Variants in VWC2L observed in about 807,000 individuals in gnomAD.
The protein encoded by VWC2L is von Willebrand factor C domain-containing protein 2-like.
In VWC2L, 10 loss-of-function variants were observed where a neutral mutation model predicts 21.6. That is an observed-to-expected ratio of 0.46 (90% CI 0.29 to 0.78). The LOEUF is 0.78. Among genes scored for constraint, VWC2L ranks in the 30% least tolerant of loss-of-function variants. VWC2L has a pLI of 0.10. For synonymous variants in VWC2L, 96 were observed against 94.3 expected, an observed-to-expected ratio of 1.02 and a Z score of -0.10; for missense variants, 209 against 277.1, an observed-to-expected ratio of 0.75 and a Z score of 1.74.
intron 3 of VWC2L, among the ~76,000 whole-genome samples, chr2:214,499,873 T>C (rs1688867291): frequency 6.6e-6 from 1 of 152,170 alleles, no homozygotes. Flanking sequence ...ACTGAGGAGA[T>C]AATAACGTAC....
At chr2:214,513,851 A>G (rs1689097319) in intron 3 of VWC2L, among the ~76,000 whole-genome samples, 1 of 152,070 alleles carries the variant, frequency 6.6e-6, no homozygotes, top group African/African-American at 2.4e-5. Flanking sequence ...CTAAAGACAA[A>G]TTCTCAGGTG....
At chr2:214,443,930 G>A (rs1559292536) in intron 3 of VWC2L, among the ~76,000 whole-genome samples, 1 of 152,036 alleles carries the variant, frequency 6.6e-6, no homozygotes. Flanking sequence ...ATTCTTGAAA[G>A]CCCCAAGAAA....
At chr2:214,438,316 T>C (rs1008745417) in intron 3 of VWC2L, among the ~76,000 whole-genome samples, 4 of 151,850 alleles carry the variant, frequency 2.6e-5, no homozygotes, top group African/African-American at 9.7e-5. Context: ...TCTCCAAGGA[T>C]AAAAGGAAGA....
intron 3 of VWC2L, among the ~76,000 whole-genome samples, chr2:214,446,010 AT>A (rs2126182576): frequency 6.6e-6 from 1 of 152,354 alleles, no homozygotes; most frequent in South Asian, 2.1e-4. Flanking sequence ...TTGCTAAAAT[AT>A]TCACTTAAGT....
intron 3 of VWC2L, among the ~76,000 whole-genome samples, chr2:214,446,232 A>G (rs1459998031): frequency 6.6e-6 from 1 of 152,228 alleles, no homozygotes; most frequent in Non-Finnish European, 1.5e-5. Context: ...CCCCTGAAGC[A>G]GTTCATGATG....
intron 3 of VWC2L, among the ~76,000 whole-genome samples, chr2:214,498,257 C>A (rs951966979): frequency 1.3e-5 from 2 of 152,126 alleles, no homozygotes; most frequent in African/African-American, 4.8e-5. Context: ...GCTTCCTAAC[C>A]ACCACTTTCC....
intron 3 of VWC2L, among the ~76,000 whole-genome samples, chr2:214,543,077 C>A (rs1038541687): frequency 6.6e-6 from 1 of 152,152 alleles, no homozygotes; most frequent in East Asian, 1.9e-4. Context: ...TTTTCTCTGG[C>A]AGATACTCAG....
chr2:214,486,066 C>G (rs1198697472), intron 3 of VWC2L, among the ~76,000 whole-genome samples: 1 of 152,042 alleles, frequency 6.6e-6, no homozygotes, highest in Non-Finnish European at 1.5e-5. Flanking sequence ...TGTACTTAGA[C>G]ACTCTGTCTG....
At chr2:214,512,489 A>G (rs990266790) in intron 3 of VWC2L, among the ~76,000 whole-genome samples, 1 of 152,134 alleles carries the variant, frequency 6.6e-6, no homozygotes, top group Non-Finnish European at 1.5e-5. Context: ...AGTAATCTGT[A>G]TAATAAACCC....
intron 3 of VWC2L, among the ~76,000 whole-genome samples, chr2:214,453,003 A>G (rs1040609639): frequency 1.5e-4 from 23 of 152,144 alleles, no homozygotes; most frequent in African/African-American, 5.1e-4. Context: ...CTTTGCAACT[A>G]TTTCCCATCA....
At chr2:214,574,065 C>T (rs535962685) in intron 3 of VWC2L, among the ~76,000 whole-genome samples, 94 of 152,284 alleles carry the variant, frequency 6.2e-4, no homozygotes, top group Middle Eastern at 3.4e-3. Context: ...TTGCTCAAGT[C>T]CTGGAGGCAG....
chr2:214,476,737 A>G (rs531758208), intron 3 of VWC2L, among the ~76,000 whole-genome samples: 69 of 152,280 alleles, frequency 4.5e-4, no homozygotes, highest in African/African-American at 1.6e-3. Context: ...TGACTTTCTC[A>G]TGAGCATACA....
chr2:214,465,887 T>C (rs1224900455), intron 3 of VWC2L, among the ~76,000 whole-genome samples: 1 of 152,168 alleles, frequency 6.6e-6, no homozygotes, highest in African/African-American at 2.4e-5. Flanking sequence ...TTCTTCCCTA[T>C]GTTGCTTTCT....
At chr2:214,573,251 A>G (rs1287425062) in intron 3 of VWC2L, among the ~76,000 whole-genome samples, 1 of 152,060 alleles carries the variant, frequency 6.6e-6, no homozygotes, top group African/African-American at 2.4e-5. Context: ...ATACACACAC[A>G]CACACATACA....
At chr2:214,568,988 T>A (rs988884272) in intron 3 of VWC2L, among the ~76,000 whole-genome samples, 1 of 152,118 alleles carries the variant, frequency 6.6e-6, no homozygotes, top group Admixed American at 6.6e-5. Context: ...AACTGCACAT[T>A]TTTTCTAGGG....
intron 3 of VWC2L, among the ~76,000 whole-genome samples, chr2:214,496,239 AC>A (rs1688809720): frequency 6.6e-6 from 1 of 151,638 alleles, no homozygotes. Context: ...ATAAGGTATT[AC>A]AATCTTATGG....
intron 3 of VWC2L, among the ~76,000 whole-genome samples, chr2:214,546,250 T>C (rs1470413340): frequency 6.6e-6 from 1 of 152,190 alleles, no homozygotes; most frequent in Non-Finnish European, 1.5e-5. Flanking sequence ...TGTGAAGGAA[T>C]TGCTGCAGCT....
intron 3 of VWC2L, among the ~76,000 whole-genome samples, chr2:214,465,045 G>A (rs750524409): frequency 2.0e-5 from 3 of 151,976 alleles, no homozygotes; most frequent in Non-Finnish European, 4.4e-5. Context: ...TGGGCTCCCC[G>A]CTGTCCCAGG....
At chr2:214,498,615 T>C (rs1688843863) in intron 3 of VWC2L, among the ~76,000 whole-genome samples, 2 of 150,516 alleles carry the variant, frequency 1.3e-5, no homozygotes, top group East Asian at 3.9e-4. Context: ...GTTCCTAGTA[T>C]TGAAAAATAA....
Sources: allele counts gnomAD v4.1 joint callset (sites outside exome capture counted in the v4.1 genomes callset), GRCh38; gene constraint gnomAD v4.1.1; transcripts MANE v1.5; gene names NCBI Gene and HGNC (gene_info 2026-07-23, HGNC 2026-07-21).